RASL12: variants seen among roughly 807,000 people sequenced by gnomAD.
RASL12 encodes the protein RAS like family 12.
Under a neutral mutation model 22.9 loss-of-function variants are expected in RASL12, and 16 were observed. The observed-to-expected ratio is 0.70, with a 90% CI of 0.47 to 1.06. The LOEUF (loss-of-function observed/expected upper bound fraction) is 1.06. Among genes scored for constraint, RASL12 ranks in the 50% least tolerant of loss-of-function variants. The pLI, the probability that RASL12 is intolerant of heterozygous loss-of-function variation, is 0.00. For synonymous variants in RASL12, 159 were observed against 152.2 expected (o/e 1.04, Z -0.33); for missense variants, 306 against 353.1 (o/e 0.87, Z 1.07).
At position 65,054,437 on chromosome 15, in the gene RASL12, G is replaced by A. The variant is rs181055300; in HGVS notation, c.*462C>T. ...GGCTCTGGCCTCTGAAACTGCAGCC[G>A]CCCTGCCTTTCCCGTCCACCAGGTG... On this transcript the variant is annotated 3_prime_UTR_variant, in exon 5 of 5. Coordinates refer to ENST00000220062, the MANE Select transcript of RASL12 (RefSeq NM_016563.4). 28 of 990,916 alleles carry A rather than the reference G, an allele frequency of 2.8e-5. No individual in the cohort carries two copies. The East Asian group carries it at 2.2e-3, about 79-fold the overall frequency. 61.4% of individuals were successfully genotyped at this position (990,916 alleles called of 1,614,324 possible). A position where few individuals can be genotyped will look rare whatever the true frequency, so the allele number is the denominator to read the frequency against.
intron 1 of RASL12, among the ~76,000 whole-genome samples, chr15:65,073,308 C>T (rs1426791424): frequency 1.3e-5 from 2 of 152,082 alleles, no homozygotes; most frequent in East Asian, 3.8e-4. Context: ...CACAACTTGC[C>T]ATAATGTAGA....
At chr15:65,061,775 C>T (rs539817426) in intron 2 of RASL12, among the ~76,000 whole-genome samples, 10 of 152,142 alleles carry the variant, frequency 6.6e-5, no homozygotes, top group Non-Finnish European at 8.8e-5. Context: ...TTGGGCCGGG[C>T]GTGGTGGCTC....
In RASL12 at chr15:65,059,354, A is replaced by G; in HGVS notation, c.225T>C (p.Thr75=). The G allele has an allele frequency of 6.2e-7, 1 of 1,613,816 alleles. No homozygotes were observed. The highest frequency in any genetic ancestry group is 1.7e-4 in the Middle Eastern group (1 of 6,026). Residue 75 remains threonine, a synonymous_variant, in exon 3 of 5, where the codon ACT becomes ACC. Transcript: ENST00000220062. ...ATGGAGGTAATGTTACCAGGTCTGC[A>G]GTGTCCATGACCCTCAGGTGGACAG... is the stretch of plus-strand genomic sequence containing the variant. ...HQPVHLRVMD[T]ADLDTPRNCE... is the part of the protein sequence containing the mutation.
upstream of RASL12, among the ~76,000 whole-genome samples, chr15:65,068,539 C>G (rs985064036): frequency 3.1e-4 from 47 of 152,218 alleles, no homozygotes; most frequent in Admixed American, 9.2e-4. The surrounding 1 kb of genome is among the most constrained non-coding windows in gnomAD (Gnocchi z 4.2). Flanking sequence ...ACTAAGATTT[C>G]AGGGCCAATA....
chr15:65,060,472 C>A (rs963903087), intron 2 of RASL12, among the ~76,000 whole-genome samples: 1 of 152,126 alleles, frequency 6.6e-6, no homozygotes, highest in Non-Finnish European at 1.5e-5. Context: ...AAACTAGTGA[C>A]CTTATTTGAA....
At chr15:65,074,975 G>T (rs1015839755) in intron 1 of RASL12, among the ~76,000 whole-genome samples, 5 of 152,224 alleles carry the variant, frequency 3.3e-5, no homozygotes, top group African/African-American at 1.2e-4. Context: ...CCCTTTCTGG[G>T]CTGGCCAAGG....
chr15:65,067,615 TG>T, intron 1 of RASL12, 117 bp downstream of exon 1: 1 of 1,240,842 alleles, frequency 8.1e-7, no homozygotes, highest in Non-Finnish European at 1.1e-6. Flanking sequence ...GCGACCCTCC[TG>T]GGTGAAGGAA....
At chr15:65,059,710 G>A (rs2086779094) in intron 2 of RASL12, among the ~76,000 whole-genome samples, 1 of 152,206 alleles carries the variant, frequency 6.6e-6, no homozygotes, top group Admixed American at 6.5e-5. Context: ...AGAGTCGAGT[G>A]TGTGGCCCCT....
At chr15:65,051,510 C>G (rs376773798), downstream of RASL12, 81 of 1,613,158 alleles carry the variant, frequency 5.0e-5, no homozygotes, top group Middle Eastern at 6.6e-4. Flanking sequence ...TGTGTCCTTC[C>G]CCAGCATCTC....
chr15:65,055,733 G>A (rs1400807476), intron 4 of RASL12, among the ~76,000 whole-genome samples: 3 of 152,176 alleles, frequency 2.0e-5, no homozygotes, highest in Non-Finnish European at 2.9e-5. Flanking sequence ...AGAAGCAGTC[G>A]TTTGGACTGA....
At chr15:65,052,259 G>A (rs1036493580), downstream of RASL12, among the ~76,000 whole-genome samples, 1 of 152,166 alleles carries the variant, frequency 6.6e-6, no homozygotes, top group African/African-American at 2.4e-5. Flanking sequence ...AGTAGTGTGA[G>A]GGATGAGGTG....
intron 3 of RASL12, 62 bp from the exon 4 acceptor site, chr15:65,058,679 T>C: frequency 7.7e-7 from 1 of 1,291,506 alleles, no homozygotes; most frequent in Non-Finnish European, 1.0e-6. Flanking sequence ...GGCCTTCACC[T>C]GAGCCGCCCA....
At chr15:65,052,911 A>T, downstream of RASL12, 1 of 1,564,528 alleles carries the variant, frequency 6.4e-7, no homozygotes, top group East Asian at 2.2e-5. Flanking sequence ...TGGGCGACCC[A>T]GTCCTGCCCC....
rs2086761115 is a variant in RASL12, at chr15:65,058,497, G to A, written c.355C>T (p.His119Tyr). ...ATGCTGCGCTGTGTCTCCTTCGCGT[G>A]CAAGGCAAGCAGCTCCAGGTAGCTG... Reference protein sequence around the residue: ...SSSYLELLALHAKETQRSIPA... With the variant: ...SSSYLELLALYAKETQRSIPA... Residue 119 changes from histidine (H) to tyrosine (Y), a missense_variant, in exon 4 of 5, where the codon CAC becomes TAC. Physicochemically the swap from His to Tyr is moderately conservative, Grantham distance 83. Transcript: ENST00000220062. The A allele has an allele frequency of 6.2e-7, 1 of 1,610,660 alleles. No individual in the cohort carries two copies. The highest frequency in any genetic ancestry group is 2.2e-5 in the East Asian group (1 of 44,754).
At position 65,055,078 on chromosome 15, in the gene RASL12, C is replaced by T; in HGVS notation, c.622G>A (p.Ala208Thr). ...ISEERALPHQ[A>T]PLTARHGLAS... Reference sequence around the variant, plus strand: ...AGCCCATGCCGCGCGGTGAGCGGGGCCTGGTGGGGCAGGGCCCTCTCCTCG... The same window carrying T: ...AGCCCATGCCGCGCGGTGAGCGGGGTCTGGTGGGGCAGGGCCCTCTCCTCG... Residue 208 changes from alanine (A) to threonine (T), a missense_variant, in exon 5 of 5, where the codon GCC becomes ACC. Coordinates refer to ENST00000220062, the MANE Select transcript of RASL12 (RefSeq NM_016563.4). 6.2e-7 allele frequency: 1 copy of T among 1,612,350 alleles called. No homozygotes were observed. Among genetic ancestry groups the T allele is most frequent in the Non-Finnish European group, 8.5e-7 (1 of 1,179,400 alleles).
At chr15:65,068,311 ACCCCTCCCTTT>A (rs1040751820), upstream of RASL12, 15 of 983,658 alleles carry the variant, frequency 1.5e-5, no homozygotes, top group African/African-American at 2.6e-4. This position sits in a 1 kb window ranked among gnomAD's most constrained non-coding sequence, Gnocchi z 4.2. Context: ...AAGAAAATCC[ACCCCTCCCTTT>A]GTTCTACCAA....
chr15:65,045,675 T>C, the RASL12 span: 3 of 152,186 alleles, frequency 2.0e-5, no homozygotes, highest in African/African-American at 7.2e-5. Flanking sequence ...CTGTTTAAAA[T>C]GCAGAGATCT....
Position 65,055,117 on chromosome 15 carries a change from G to C in RASL12, c.583C>G (p.Pro195Ala), listed in dbSNP as rs1024774436. 4 of 1,610,980 alleles carry C rather than the reference G, an allele frequency of 2.5e-6. No homozygotes were observed. Among genetic ancestry groups the C allele is most frequent in the Non-Finnish European group, 3.4e-6 (4 of 1,178,990 alleles). The change falls in exon 5 of 5, where the codon CCC (proline) becomes GCC (alanine). Residue 195 changes from proline to alanine, a missense_variant. By Grantham distance (27) the Pro-to-Ala change is conservative. Coordinates refer to ENST00000220062, the MANE Select transcript of RASL12 (RefSeq NM_016563.4). Reference protein sequence around the residue: ...RELEKSPLTRPLFISEERALP... With the variant: ...RELEKSPLTRALFISEERALP... ...GCCCTCTCCTCGGAGATGAAGAGGG[G>C]CCGGGTCAGGGGGCTCTTCTCCAGC... is the stretch of plus-strand genomic sequence containing the variant.
Position 65,053,750 on chromosome 15 carries a change from G to A in RASL12, c.*1149C>T, listed in dbSNP as rs955122157. ...GTGCAAGACTTCCCTGGGACCTGGC[G>A]TGTGGTAAACAAAATCAGACAACTA... On this transcript the variant is annotated 3_prime_UTR_variant, in exon 5 of 5. Coordinates refer to ENST00000220062, the MANE Select transcript of RASL12 (RefSeq NM_016563.4). 4.0e-5 allele frequency: 39 copies of A among 986,296 alleles called. No homozygotes were observed. Among genetic ancestry groups the A allele is most frequent in the African/African-American group, 5.2e-5 (3 of 57,202 alleles). 61.1% of individuals were successfully genotyped at this position (986,296 alleles called of 1,614,324 possible).
Sources: gnomAD v4.1 joint callset for allele counts (sites outside exome capture counted in the v4.1 genomes callset) on GRCh38, gnomAD v4.1.1 for gene constraint, Gnocchi (gnomAD v3.1) non-coding constraint, MANE v1.5 for transcripts, NCBI Gene and HGNC (gene_info 2026-07-23, HGNC 2026-07-21) for gene names.